COG6: variants seen among roughly 807,000 people sequenced by gnomAD.
The protein encoded by COG6 is component of oligomeric golgi complex 6, also known as conserved oligomeric Golgi complex subunit 6.
A neutral mutation model predicts 88.8 loss-of-function variants in COG6; 74 were observed. The ratio of observed to expected loss-of-function variants is 0.83; its 90% CI spans 0.69 to 1.01. The LOEUF is 1.01. Ranked by LOEUF, COG6 falls within the 50% of genes least tolerant of loss-of-function variation. The pLI, the probability that COG6 is intolerant of heterozygous loss-of-function variation, is 0.00. For missense variants in COG6, 800 were observed against 797.9 expected, an observed-to-expected ratio of 1.00 and a Z score of -0.03; for synonymous variants, 286 against 278.7, an observed-to-expected ratio of 1.03 and a Z score of -0.26.
chr13:39,727,109 G>T (rs1879171964), intron 17 of COG6, among the ~76,000 whole-genome samples: 1 of 151,928 alleles, frequency 6.6e-6, no homozygotes, highest in Admixed American at 6.6e-5. Flanking sequence ...ACTAATGAAT[G>T]CATTAATGAA....
chr13:39,727,696 C>G, intron 18 of COG6, 148 bp downstream of exon 18: 1 of 710,272 alleles, frequency 1.4e-6, no homozygotes, highest in South Asian at 1.6e-5. Flanking sequence ...CCTTGGCATG[C>G]CAAAGGATGA....
intron 15 of COG6, among the ~76,000 whole-genome samples, chr13:39,720,569 T>A (rs962015028): frequency 3.3e-5 from 5 of 152,084 alleles, no homozygotes; most frequent in Non-Finnish European, 5.9e-5. Flanking sequence ...AAAATAAATG[T>A]ATCAGAATTT....
At chr13:39,705,812 C>G (rs571049361) in intron 13 of COG6, among the ~76,000 whole-genome samples, 1 of 152,024 alleles carries the variant, frequency 6.6e-6, no homozygotes, top group Non-Finnish European at 1.5e-5. Flanking sequence ...TATCTCAGGT[C>G]CTGCTCCAGA....
chr13:39,770,061 C>T (rs565605012), intron 18 of COG6, among the ~76,000 whole-genome samples: 5 of 152,244 alleles, frequency 3.3e-5, no homozygotes, highest in East Asian at 3.8e-4. Flanking sequence ...GTACCACACA[C>T]AATTTAAATC....
chr13:39,694,990 C>CACACACACACA (rs566359455), intron 12 of COG6, among the ~76,000 whole-genome samples: 1 of 147,028 alleles, frequency 6.8e-6, no homozygotes, highest in Admixed American at 6.9e-5. Flanking sequence ...CACACACACA[C>CACACACACACA]CCCTTATATA....
intron 4 of COG6, among the ~76,000 whole-genome samples, chr13:39,673,447 G>A (rs17529676): frequency 0.061 from 9,281 of 151,872 alleles, 383 homozygotes; most frequent in Non-Finnish European, 0.095. Flanking sequence ...TTTCAAAAAC[G>A]TTTAACTTTC....
chr13:39,696,054 GAAATA>G (rs1877254408), intron 12 of COG6, among the ~76,000 whole-genome samples: 1 of 151,838 alleles, frequency 6.6e-6, no homozygotes, highest in African/African-American at 2.4e-5. Flanking sequence ...GAAAATGCTG[GAAATA>G]AAATAATTCA....
chr13:39,671,175 G>A (rs953709122), intron 4 of COG6, among the ~76,000 whole-genome samples: 1 of 151,942 alleles, frequency 6.6e-6, no homozygotes, highest in South Asian at 2.1e-4. Context: ...TTGGGGGTAA[G>A]GCACAGTATG....
chr13:39,695,134 A>G (rs1341800042), intron 12 of COG6, among the ~76,000 whole-genome samples: 1 of 151,762 alleles, frequency 6.6e-6, no homozygotes, highest in Admixed American at 6.6e-5. Flanking sequence ...CTGGATGTAA[A>G]TAACCTACCA....
At position 39,752,017 on chromosome 13, in the gene COG6, T is replaced by C. The variant is rs1353335557; in HGVS notation, c.*924T>C. 7.9e-6 allele frequency: 10 copies of C among 1,272,440 alleles called. No individual in the cohort carries two copies. The highest frequency in any genetic ancestry group is 2.3e-5 in the Admixed American group (1 of 43,510). The allele number at this position is 1,272,440 out of a possible 1,614,324, so 78.8% of individuals were successfully genotyped here. A position where few individuals can be genotyped will look rare whatever the true frequency, so the allele number is the denominator to read the frequency against. ...AAACTGCCAGAGGAGGAGTTGCCAA[T>C]TGGCAGTGTGTCTTATCTCCATGTT... On this transcript the variant is annotated 3_prime_UTR_variant, in exon 19 of 19. Transcript: ENST00000455146.
intron 18 of COG6, among the ~76,000 whole-genome samples, chr13:39,734,170 T>C (rs9603605): frequency 0.29 from 44,656 of 151,972 alleles, 6,762 homozygotes; most frequent in Non-Finnish European, 0.35. Context: ...CTTGCTTTTC[T>C]AGTTCTTTAA....
chr13:39,710,426 A>G (rs1440648467), intron 13 of COG6, among the ~76,000 whole-genome samples: 2 of 152,128 alleles, frequency 1.3e-5, no homozygotes, highest in African/African-American at 4.8e-5. Flanking sequence ...CATTTTAAAA[A>G]TATCATTGGG....
chr13:39,730,231 A>G (rs995356892), intron 18 of COG6, among the ~76,000 whole-genome samples: 2 of 152,146 alleles, frequency 1.3e-5, no homozygotes, highest in African/African-American at 4.8e-5. Context: ...TAAAATTGAG[A>G]TATGCATATT....
intron 12 of COG6, among the ~76,000 whole-genome samples, chr13:39,696,253 G>C (rs923021270): frequency 6.6e-6 from 1 of 151,636 alleles, no homozygotes; most frequent in Non-Finnish European, 1.5e-5. Context: ...CATTCTTCTA[G>C]GTGGTAAGGA....
At chr13:39,749,314 T>A (rs9548919) in intron 18 of COG6, among the ~76,000 whole-genome samples, 62,943 of 151,758 alleles carry the variant, frequency 0.41, 13,374 homozygotes, top group Admixed American at 0.57. Context: ...TACTGGGTTT[T>A]AAGGGACATG....
intron 18 of COG6, among the ~76,000 whole-genome samples, chr13:39,729,256 A>G (rs7996170): frequency 1 from 151,764 of 152,172 alleles, 75,681 homozygotes; most frequent in Middle Eastern, 1. Context: ...GATCTAGGTT[A>G]TGTGCTCCTT....
rs532637656 is a variant in COG6, at chr13:39,661,724, T to G, written c.369+843T>G. On this transcript the variant is annotated intron_variant, in intron 3 of 18. Coordinates refer to ENST00000455146, the MANE Select transcript of COG6 (RefSeq NM_020751.3). The stretch of plus-strand genomic sequence containing the variant: ...TAATTTGACAATATTTAAATAATTA[T>G]ATAATATATACTAATTATTAATGGC... 2.0e-5 allele frequency among the ~76,000 whole-genome samples: 3 copies of G among 151,536 alleles called. No homozygotes were observed. The East Asian group carries it at 5.8e-4, about 29-fold the overall frequency.
At chr13:39,770,910 C>A (rs545035927) in intron 18 of COG6, among the ~76,000 whole-genome samples, 1 of 152,152 alleles carries the variant, frequency 6.6e-6, no homozygotes, top group Non-Finnish European at 1.5e-5. Flanking sequence ...GGACTTCCAC[C>A]GCCTCATTGC....
chr13:39,692,942 A>C (rs1243783942), intron 11 of COG6, among the ~76,000 whole-genome samples: 1 of 151,888 alleles, frequency 6.6e-6, no homozygotes, highest in Non-Finnish European at 1.5e-5. Flanking sequence ...CACAGTGATA[A>C]TTTCCAGTCA....
Sources: allele counts gnomAD v4.1 joint callset (sites outside exome capture counted in the v4.1 genomes callset), GRCh38; gene constraint gnomAD v4.1.1; transcripts MANE v1.5; gene names NCBI Gene and HGNC (gene_info 2026-07-23, HGNC 2026-07-21).